RBFOX1: variants seen among roughly 807,000 people sequenced by gnomAD.
RBFOX1 encodes the protein RNA binding protein fox-1 homolog 1.
RBFOX1 carries 8 observed loss-of-function variants against 57.7 expected under a neutral mutation model. The ratio of observed to expected loss-of-function variants is 0.14; its 90% CI spans 0.08 to 0.25. RBFOX1 has a LOEUF of 0.25. RBFOX1 is among the 10% of genes least tolerant of loss of function. The probability of loss-of-function intolerance (pLI) is 1.00; values close to 1 mark genes in which losing one functional copy is unlikely to be tolerated. For missense variants in RBFOX1, 611 were observed against 548.5 expected, an observed-to-expected ratio of 1.11 and a Z score of -1.14; for synonymous variants, 326 against 222.4, an observed-to-expected ratio of 1.47 and a Z score of -4.15.
At chr16:7,292,521 A>G (rs1239777371) in intron 4 of RBFOX1, among the ~76,000 whole-genome samples, 2 of 106,850 alleles carry the variant, frequency 1.9e-5, no homozygotes, top group African/African-American at 3.0e-5. Context: ...TATATATAAT[A>G]CTATATGTAT....
intron 3 of RBFOX1, among the ~76,000 whole-genome samples, chr16:6,928,938 C>G (rs368429971): frequency 9.2e-5 from 14 of 152,184 alleles, no homozygotes; most frequent in African/African-American, 3.4e-4. Flanking sequence ...TTCAAGTCCC[C>G]AAAGCAGATG....
intron 1 of RBFOX1, among the ~76,000 whole-genome samples, chr16:5,246,108 G>T (rs1224313311): frequency 6.6e-6 from 1 of 152,114 alleles, no homozygotes; most frequent in Admixed American, 6.6e-5. Flanking sequence ...CAGGTGTGAT[G>T]GCACACACCT....
Position 7,303,571 on chromosome 16 carries a change from CA to C in RBFOX1, c.28-214568del, listed in dbSNP as rs200839595. 4.6e-3 allele frequency among the ~76,000 whole-genome samples: 676 copies of C among 146,730 alleles called. 2 individuals are homozygous for C. The highest frequency in any genetic ancestry group is 0.016 in the African/African-American group (636 of 39,984). On this transcript the variant is annotated intron_variant, in intron 4 of 15. Transcript: ENST00000550418. ...TTGGTGAGTGTTTTTTTGAAACAAA[CA>C]AAAAAAATAAATAATTTTTAAAAAA... is the stretch of plus-strand genomic sequence containing the variant.
chr16:7,055,601 C>T (rs533087563), intron 4 of RBFOX1, among the ~76,000 whole-genome samples: 2 of 152,170 alleles, frequency 1.3e-5, no homozygotes, highest in African/African-American at 4.8e-5. Flanking sequence ...TCCCAGAATT[C>T]GTCACTGCAG....
intron 2 of RBFOX1, among the ~76,000 whole-genome samples, chr16:6,632,270 G>C (rs759489013): frequency 2.0e-5 from 3 of 151,508 alleles, no homozygotes; most frequent in Non-Finnish European, 2.9e-5. Flanking sequence ...TGAAACCATC[G>C]CAAACAACAA....
chr16:5,754,057 A>G (rs921835005), intron 3 of RBFOX1, among the ~76,000 whole-genome samples: 2 of 152,154 alleles, frequency 1.3e-5, no homozygotes, highest in African/African-American at 2.4e-5. Flanking sequence ...GCATGTGTTG[A>G]TAATGCAAAA....
At chr16:6,671,164 A>C (rs1302022605) in intron 3 of RBFOX1, among the ~76,000 whole-genome samples, 1 of 152,230 alleles carries the variant, frequency 6.6e-6, no homozygotes, top group Non-Finnish European at 1.5e-5. Context: ...AAACAAAAGG[A>C]CACCTGGACT....
chr16:5,819,488 A>G (rs1306221793), intron 3 of RBFOX1, among the ~76,000 whole-genome samples: 1 of 152,138 alleles, frequency 6.6e-6, no homozygotes, highest in Non-Finnish European at 1.5e-5. Context: ...TCACTGTGCC[A>G]CTTCTATGAA....
At chr16:5,952,398 A>G (rs780655457) in intron 4 of RBFOX1, among the ~76,000 whole-genome samples, 2 of 151,690 alleles carry the variant, frequency 1.3e-5, no homozygotes, top group Non-Finnish European at 2.9e-5. Flanking sequence ...CGATCTGTCC[A>G]CCTTGGCCTC....
chr16:6,950,264 T>A (rs1888805016), intron 3 of RBFOX1, among the ~76,000 whole-genome samples: 1 of 151,934 alleles, frequency 6.6e-6, no homozygotes, highest in Non-Finnish European at 1.5e-5. Flanking sequence ...GGCCAGCACA[T>A]TCTTTGTCTT....
chr16:6,847,651 C>T (rs1242974393), intron 3 of RBFOX1, among the ~76,000 whole-genome samples: 5 of 152,036 alleles, frequency 3.3e-5, no homozygotes, highest in South Asian at 2.1e-4. Context: ...GTAATTCAGT[C>T]GACCACAGCA....
At chr16:7,064,454 C>T (rs1342206631) in intron 4 of RBFOX1, among the ~76,000 whole-genome samples, 2 of 152,058 alleles carry the variant, frequency 1.3e-5, no homozygotes, top group Admixed American at 1.3e-4. Flanking sequence ...CAGGTGTGAG[C>T]CACCATGCCT....
intron 2 of RBFOX1, among the ~76,000 whole-genome samples, chr16:6,396,474 C>G (rs952218211): frequency 6.6e-6 from 1 of 152,166 alleles, no homozygotes. Context: ...CCTATAAAAT[C>G]TACACACATT....
chr16:6,104,477 A>G (rs945680133), intron 1 of RBFOX1, among the ~76,000 whole-genome samples: 8 of 152,198 alleles, frequency 5.3e-5, no homozygotes, highest in Admixed American at 3.9e-4. Flanking sequence ...CAATTTTACA[A>G]TTCAATTATC....
At chr16:5,334,082 A>C (rs1321576023) in intron 1 of RBFOX1, among the ~76,000 whole-genome samples, 2 of 152,198 alleles carry the variant, frequency 1.3e-5, no homozygotes, top group Non-Finnish European at 2.9e-5. Context: ...TTTCTTACAG[A>C]CTAAGAGTAT....
chr16:7,399,386 G>A (rs2098198971), intron 4 of RBFOX1, among the ~76,000 whole-genome samples: 1 of 152,198 alleles, frequency 6.6e-6, no homozygotes, highest in Admixed American at 6.5e-5. Context: ...GGCAGAGGTT[G>A]CAGTGAGCCG....
At chr16:7,070,933 C>T (rs2057205876) in intron 4 of RBFOX1, among the ~76,000 whole-genome samples, 1 of 152,150 alleles carries the variant, frequency 6.6e-6, no homozygotes, top group African/African-American at 2.4e-5. Context: ...AAGCAGGACT[C>T]AGCTTGGAAT....
chr16:7,676,150 G>C (rs1487788456), intron 13 of RBFOX1, among the ~76,000 whole-genome samples: 1 of 152,192 alleles, frequency 6.6e-6, no homozygotes, highest in African/African-American at 2.4e-5. Flanking sequence ...GTCTGAAGCA[G>C]CATGATACAT....
At chr16:5,868,460 C>T (rs2057393239) in intron 4 of RBFOX1, among the ~76,000 whole-genome samples, 1 of 152,192 alleles carries the variant, frequency 6.6e-6, no homozygotes. Context: ...CCCTTTGATC[C>T]ATCACACAGT....
Sources: gnomAD v4.1 joint callset for allele counts (sites outside exome capture counted in the v4.1 genomes callset) on GRCh38, gnomAD v4.1.1 for gene constraint, MANE v1.5 for transcripts, NCBI Gene and HGNC (gene_info 2026-07-23, HGNC 2026-07-21) for gene names.